MEF2D: variants seen among roughly 807,000 people sequenced by gnomAD.
MEF2D encodes the protein myocyte-specific enhancer factor 2D.
A neutral mutation model predicts 59.3 loss-of-function variants in MEF2D; 10 were observed. The observed-to-expected ratio is 0.17, with a 90% CI of 0.10 to 0.29. The LOEUF (loss-of-function observed/expected upper bound fraction) is 0.29, where lower values mean the gene tolerates loss of function less well. Ranked by LOEUF, MEF2D falls within the 10% of genes least tolerant of loss-of-function variation. The pLI, the probability that MEF2D is intolerant of heterozygous loss-of-function variation, is 1.00. For missense variants in MEF2D, 508 were observed against 699.4 expected (o/e 0.73, Z 3.09); for synonymous variants, 305 against 295.0 (o/e 1.03, Z -0.35).
At chr1:156,499,057 T>C (rs1251170683) in intron 1 of MEF2D, among the ~76,000 whole-genome samples, 1 of 152,134 alleles carries the variant, frequency 6.6e-6, no homozygotes, top group East Asian at 1.9e-4. Context: ...GACCTTCCTG[T>C]TGGGGTTGGG....
chr1:156,488,486 G>C (rs1299364950), intron 1 of MEF2D, among the ~76,000 whole-genome samples: 1 of 151,978 alleles, frequency 6.6e-6, no homozygotes, highest in African/African-American at 2.4e-5. Flanking sequence ...GACAAAGAGA[G>C]CTGAGGGGAC....
chr1:156,491,769 GACTCACCACC>G (rs1056409478), intron 1 of MEF2D, among the ~76,000 whole-genome samples: 21 of 152,194 alleles, frequency 1.4e-4, no homozygotes, highest in Middle Eastern at 3.2e-3. Context: ...GAGCTGCAAT[GACTCACCACC>G]ACTCATTTGC....
chr1:156,480,867 G>T lies in MEF2D; in HGVS notation c.363C>A (p.Ser121Arg). Reference sequence around the variant, plus strand: ...GCCGGAAGAGCCCGTCGAGCTCCTCGCTGGCGCGTCGGTACTTGTCCTCCA... The same window carrying T: ...GCCGGAAGAGCCCGTCGAGCTCCTCTCTGGCGCGTCGGTACTTGTCCTCCA... ...PLLEDKYRRA[S>R]EELDGLFRRY... Residue 121 changes from serine (S) to arginine (R), a missense_variant, in exon 4 of 12, where the codon AGC (serine) becomes AGA (arginine). Coordinates refer to ENST00000348159, the MANE Select transcript of MEF2D (RefSeq NM_005920.4). The T allele has an allele frequency of 1.2e-6, 2 of 1,603,358 alleles. No homozygotes were observed. Among genetic ancestry groups the T allele is most frequent in the Non-Finnish European group, 1.7e-6 (2 of 1,175,100 alleles).
In MEF2D at chr1:156,479,812, G is replaced by C. The variant is rs1429880898; in HGVS notation, c.397-16C>G. On this transcript the variant is annotated splice_polypyrimidine_tract_variant and intron_variant, in intron 4 of 11. Coordinates refer to ENST00000348159, the MANE Select transcript of MEF2D (RefSeq NM_005920.4). ...GGACAGTTGACTAGACAGAAAGATG[G>C]AGGGGCAGGATCAGGCCAGGTTGAC... 1 of 1,551,066 alleles carries C rather than the reference G, an allele frequency of 6.4e-7. No homozygotes were observed.
chr1:156,493,809 C>T (rs1274089652), intron 1 of MEF2D, among the ~76,000 whole-genome samples: 1 of 152,130 alleles, frequency 6.6e-6, no homozygotes, highest in Non-Finnish European at 1.5e-5. Context: ...TCCCCTGCTA[C>T]AGTTTACAAC....
intron 11 of MEF2D, 56 bp downstream of exon 11, chr1:156,467,937 G>A (rs751272827): frequency 1.3e-6 from 2 of 1,556,354 alleles, no homozygotes; most frequent in Non-Finnish European, 8.7e-7. Context: ...GGGGCACGCG[G>A]GGCAGTCCCT....
chr1:156,472,458 T>C (rs956271342), intron 9 of MEF2D, among the ~76,000 whole-genome samples: 1 of 152,212 alleles, frequency 6.6e-6, no homozygotes, highest in Non-Finnish European at 1.5e-5. Context: ...CAAGCCAGAG[T>C]CTGGTCCCTC....
chr1:156,467,738 T>C lies in MEF2D; in HGVS notation c.1555-82A>G, dbSNP rs908639846. On this transcript the variant is annotated intron_variant, in intron 11 of 11. Coordinates refer to ENST00000348159, the MANE Select transcript of MEF2D (RefSeq NM_005920.4). ...TGCACCCCCCACTCCCCTCTCCCCA[T>C]AGGGCCAGGATTCTAGTGGCAGGGC... The C allele has an allele frequency of 9.1e-6, 12 of 1,318,634 alleles. No homozygotes were observed. The Admixed American group carries it at 1.1e-4, about 13-fold the overall frequency. The allele number at this position is 1,318,634 out of a possible 1,614,324, so 81.7% of individuals were successfully genotyped here.
intron 5 of MEF2D, 40 bp from the exon 6 acceptor site, chr1:156,479,386 C>G: frequency 6.3e-7 from 1 of 1,598,514 alleles, no homozygotes; most frequent in Non-Finnish European, 8.5e-7. Flanking sequence ...GACAACACTC[C>G]CGCTTCAAGA....
intron 1 of MEF2D, among the ~76,000 whole-genome samples, chr1:156,489,806 G>A (rs963490647): frequency 2.0e-5 from 3 of 152,144 alleles, no homozygotes; most frequent in African/African-American, 4.8e-5. Flanking sequence ...CAGGCAGGCC[G>A]GCCCTGAGAG....
Position 156,468,086 on chromosome 1 carries a change from C to G in MEF2D, c.1461G>C (p.Arg487=). Residue 487 remains arginine, a synonymous_variant, in exon 11 of 12, where the codon CGG becomes CGC. Transcript: ENST00000348159. The surrounding 1 kb of genome is among the most constrained non-coding windows in gnomAD (Gnocchi z 4.3). ...GGCCCAGTGTGGGCCCGAAGTCCCC[C>G]CGTCCGTCATCCCGGTCTCCCGTCT... The part of the protein sequence containing the change: ...SYETGDRDDG[R]GDFGPTLGLL... 3 of 1,614,078 alleles carry G rather than the reference C, an allele frequency of 1.9e-6. No individual in the cohort carries two copies. The highest frequency in any genetic ancestry group is 1.7e-6 in the Non-Finnish European group (2 of 1,179,998).
chr1:156,495,776 A>AAAAAAAAAAAAAC (rs1673097057), intron 1 of MEF2D, among the ~76,000 whole-genome samples: 1 of 150,708 alleles, frequency 6.6e-6, no homozygotes, highest in African/African-American at 2.4e-5. Context: ...AAAAAAAAAA[A>AAAAAAAAAAAAAC]AAGCTCCCTC....
chr1:156,480,502 T>C, intron 4 of MEF2D: 2 of 846,068 alleles, frequency 2.4e-6, no homozygotes, highest in Non-Finnish European at 3.5e-6. Flanking sequence ...GGGTTTATCA[T>C]GACCAAGGTC....
intron 1 of MEF2D, among the ~76,000 whole-genome samples, chr1:156,489,177 G>A (rs764055470): frequency 7.9e-5 from 12 of 152,164 alleles, no homozygotes; most frequent in African/African-American, 2.2e-4. Context: ...AGGCTGCTCC[G>A]GGCTGCAGGC....
rs1271861194 is a variant in MEF2D, at chr1:156,464,449, G to C, written c.*3196C>G. The C allele has an allele frequency of 7.5e-6, 1 of 133,386 alleles. No homozygotes were observed. Among genetic ancestry groups the C allele is most frequent in the Non-Finnish European group, 1.5e-5 (1 of 65,644 alleles). 8.3% of individuals were successfully genotyped at this position (133,386 alleles called of 1,614,324 possible). On this transcript the variant is annotated 3_prime_UTR_variant, in exon 12 of 12. Coordinates refer to ENST00000348159, the MANE Select transcript of MEF2D (RefSeq NM_005920.4). ...GAATGGTGTGTTCCACTGAGGTGGT[G>C]GGGGGGGGTGTCCTCTTGCCCACTG...
chr1:156,464,418 G>C lies in MEF2D; in HGVS notation c.*3227C>G, dbSNP rs892721156. The C allele has an allele frequency of 2.7e-5, 4 of 149,358 alleles. No homozygotes were observed. Among genetic ancestry groups the C allele is most frequent in the Non-Finnish European group, 3.0e-5 (2 of 67,212 alleles). The allele number at this position is 149,358 out of a possible 1,614,324, so 9.3% of individuals were successfully genotyped here. A position where few individuals can be genotyped will look rare whatever the true frequency, so the allele number is the denominator to read the frequency against. ...TGCTGCACTGAGTGTGCTGTTGAGG[G>C]GGGGAGAATGGTGTGTTCCACTGAG... On this transcript the variant is annotated 3_prime_UTR_variant, in exon 12 of 12. Transcript: ENST00000348159.
At chr1:156,470,023 A>C (rs1045060167) in intron 9 of MEF2D, among the ~76,000 whole-genome samples, 1 of 152,252 alleles carries the variant, frequency 6.6e-6, no homozygotes, top group African/African-American at 2.4e-5. Flanking sequence ...CCGGGAGCAC[A>C]GCTGGCCAAG....
Position 156,463,974 on chromosome 1 carries a change from T to TG in MEF2D, c.*3670dup, listed in dbSNP as rs1273940503. On this transcript the variant is annotated 3_prime_UTR_variant, in exon 12 of 12. Coordinates refer to ENST00000348159, the MANE Select transcript of MEF2D (RefSeq NM_005920.4). Reference sequence around the variant, plus strand: ...CAGGAGTGTGGGTGATTGTCAGGTGTGGGGGTGGGGCACCTCCATGGCCCA... The same window carrying TG: ...CAGGAGTGTGGGTGATTGTCAGGTGTGGGGGGTGGGGCACCTCCATGGCCCA... 6.6e-6 allele frequency: 1 copy of TG among 152,598 alleles called. No individual in the cohort carries two copies. The allele number at this position is 152,598 out of a possible 1,614,324, so 9.5% of individuals were successfully genotyped here.
In MEF2D at chr1:156,468,631, T is replaced by A; in HGVS notation, c.1247+149A>T. On this transcript the variant is annotated intron_variant, in intron 10 of 11. Transcript: ENST00000348159. The surrounding 1 kb of genome is among the most constrained non-coding windows in gnomAD (Gnocchi z 4.3). ...GGGTCTGTACAAGAGAGCCCAGGGGTGCCACTGTTGCCTAACAGACTGTGC... is the reference window on the plus strand; with the variant it reads ...GGGTCTGTACAAGAGAGCCCAGGGGAGCCACTGTTGCCTAACAGACTGTGC... 1 of 1,342,888 alleles carries A rather than the reference T, an allele frequency of 7.4e-7. No individual in the cohort carries two copies. The highest frequency in any genetic ancestry group is 1.0e-6 in the Non-Finnish European group (1 of 987,052). The allele number at this position is 1,342,888 out of a possible 1,614,324, so 83.2% of individuals were successfully genotyped here.
Sources: allele counts gnomAD v4.1 joint callset (sites outside exome capture counted in the v4.1 genomes callset), GRCh38; gene constraint gnomAD v4.1.1; non-coding constraint Gnocchi (gnomAD v3.1); transcripts MANE v1.5; gene names NCBI Gene and HGNC (gene_info 2026-07-23, HGNC 2026-07-21).